The following UBP1 variants were observed in gnomAD, a reference collection of about 807,000 sequenced individuals.
UBP1 encodes the protein upstream binding protein 1, also known as upstream-binding protein 1.
A neutral mutation model predicts 76.1 loss-of-function variants in UBP1; 22 were observed. The ratio of observed to expected loss-of-function variants is 0.29; its 90% confidence interval spans 0.21 to 0.41. UBP1 has a LOEUF of 0.41. UBP1 is among the 10% of genes least tolerant of loss of function. UBP1 has a pLI of 1.00. For missense variants in UBP1, 436 were observed against 668.1 expected (o/e 0.65, Z 3.83); for synonymous variants, 224 against 237.1 (o/e 0.94, Z 0.51).
intron 9 of UBP1, among the ~76,000 whole-genome samples, chr3:33,401,565 A>G (rs2044229923): frequency 6.6e-6 from 1 of 152,172 alleles, no homozygotes; most frequent in Admixed American, 6.5e-5. Flanking sequence ...GAAATGAAAA[A>G]CAGCTCCACA....
At chr3:33,409,990 G>C (rs1160485543) in intron 5 of UBP1, among the ~76,000 whole-genome samples, 1 of 152,172 alleles carries the variant, frequency 6.6e-6, no homozygotes, top group Non-Finnish European at 1.5e-5. Context: ...TCATTGTTTA[G>C]AGCTTCTGTT....
In UBP1 at chr3:33,405,537, C is replaced by G. The variant is rs185392286; in HGVS notation, c.928-2633G>C. Among the ~76,000 whole-genome samples, 480 of 152,174 alleles carry G rather than the reference C, an allele frequency of 3.2e-3. 2 individuals carry two copies. Among genetic ancestry groups the G allele is most frequent in the Non-Finnish European group, 6.1e-3 (415 of 67,990 alleles). ...TGCAAGTATATCCTTTTTCAAAATTCTTTTGAGGCCAGGTATGGTGGCTCA... is the reference window on the plus strand; with the variant it reads ...TGCAAGTATATCCTTTTTCAAAATTGTTTTGAGGCCAGGTATGGTGGCTCA... On this transcript the variant is annotated intron_variant, in intron 8 of 15. Coordinates refer to ENST00000283629, the MANE Select transcript of UBP1 (RefSeq NM_014517.5).
intron 1 of UBP1, among the ~76,000 whole-genome samples, chr3:33,430,548 G>A (rs1278618703): frequency 6.6e-6 from 1 of 152,180 alleles, no homozygotes; most frequent in Non-Finnish European, 1.5e-5. Context: ...AACAACAGAT[G>A]ACATATATCC....
At chr3:33,414,074 T>TAAATACTAA (rs1269276378) in intron 3 of UBP1, 3 of 146,464 alleles carry the variant, frequency 2.0e-5, no homozygotes, top group Non-Finnish European at 4.5e-5. Flanking sequence ...AGCCCCATTC[T>TAAATACTAA]AGAAGGTTGG....
intron 15 of UBP1, 53 bp downstream of exon 15, chr3:33,392,510 C>A: frequency 6.7e-7 from 1 of 1,501,920 alleles, no homozygotes; most frequent in Non-Finnish European, 9.1e-7. Context: ...ATTAGAGGCA[C>A]ACACCATCTC....
At chr3:33,422,508 G>A (rs1438648790) in intron 2 of UBP1, among the ~76,000 whole-genome samples, 1 of 152,136 alleles carries the variant, frequency 6.6e-6, no homozygotes, top group Non-Finnish European at 1.5e-5. Context: ...TTTGAGCCCA[G>A]GAGTCGGAGA....
At chr3:33,390,623 C>G in intron 15 of UBP1, 3 of 540,906 alleles carry the variant, frequency 5.5e-6, no homozygotes, top group Non-Finnish European at 1.0e-5. Context: ...TCTGCCAGTT[C>G]TGGGGGTAGG....
At chr3:33,428,663 ATTT>A (rs1032865949) in intron 1 of UBP1, among the ~76,000 whole-genome samples, 1 of 152,130 alleles carries the variant, frequency 6.6e-6, no homozygotes, top group African/African-American at 2.4e-5. Flanking sequence ...TTTCCAATTA[ATTT>A]TTTACTTAAT....
At position 33,389,892 on chromosome 3, in the gene UBP1, G is replaced by A; in HGVS notation, c.*439C>T. ...CAGATTCACTGCTGGCCCCACAACA[G>A]CACTGTCCCCCATCTCCTCTCCAGG... On this transcript the variant is annotated 3_prime_UTR_variant, in exon 16 of 16. Transcript: ENST00000283629. 6.1e-6 allele frequency: 1 copy of A among 164,700 alleles called. No individual in the cohort carries two copies. Among genetic ancestry groups the A allele is most frequent in the Non-Finnish European group, 1.3e-5 (1 of 75,016 alleles). 10.2% of individuals were successfully genotyped at this position (164,700 alleles called of 1,614,324 possible). A position where few individuals can be genotyped will look rare whatever the true frequency, so the allele number is the denominator to read the frequency against.
At chr3:33,440,561 C>G (rs1295579756), upstream of UBP1, 1 of 152,468 alleles carries the variant, frequency 6.6e-6, no homozygotes, top group Non-Finnish European at 1.5e-5. Context: ...TGTTCCCAGC[C>G]GGGGTGGCCT....
At position 33,392,397 on chromosome 3, in the gene UBP1, A is replaced by G. The variant is rs1184806819; in HGVS notation, c.1585+166T>C. ...AGAAAGACTGACTCCTCTTCCTTAT[A>G]TGCTAATTTCTGTTACAACCACTAG... On this transcript the variant is annotated intron_variant, in intron 15 of 15. Transcript: ENST00000283629. 8.4e-6 allele frequency: 5 copies of G among 598,496 alleles called. 1 individual carries two copies. Among genetic ancestry groups the G allele is most frequent in the Non-Finnish European group, 1.4e-5 (5 of 364,582 alleles). The allele number at this position is 598,496 out of a possible 1,614,324, so 37.1% of individuals were successfully genotyped here.
At chr3:33,392,272 T>TATTCA (rs1366012576) in intron 15 of UBP1, 7 of 299,130 alleles carry the variant, frequency 2.3e-5, no homozygotes, top group Non-Finnish European at 4.3e-5. Context: ...GATTCTGTTT[T>TATTCA]ATTCAATAGA....
upstream of UBP1, chr3:33,440,563 G>A (rs2045282538): frequency 6.6e-6 from 1 of 152,434 alleles, no homozygotes; most frequent in Non-Finnish European, 1.5e-5. Flanking sequence ...TTCCCAGCCG[G>A]GGTGGCCTCG....
intron 1 of UBP1, among the ~76,000 whole-genome samples, chr3:33,433,866 T>C (rs2045156747): frequency 6.7e-6 from 1 of 150,092 alleles, no homozygotes; most frequent in Non-Finnish European, 1.5e-5. Flanking sequence ...TGTGCAGTGA[T>C]CAAGTCTGCA....
In UBP1 at chr3:33,440,217, G is replaced by A. The variant is rs1046854809; in HGVS notation, c.-369C>T. Reference sequence around the variant, plus strand: ...CGGGACCGCTGGGAGGCTGGACCTCGGGCCGCTCCGAGGACCACACGGGGG... The same window carrying A: ...CGGGACCGCTGGGAGGCTGGACCTCAGGCCGCTCCGAGGACCACACGGGGG... On this transcript the variant is annotated 5_prime_UTR_variant, in exon 1 of 16. Transcript: ENST00000283629. 2 of 156,056 alleles carry A rather than the reference G, an allele frequency of 1.3e-5. No homozygotes were observed. Among genetic ancestry groups the A allele is most frequent in the Non-Finnish European group, 2.8e-5 (2 of 70,554 alleles). The allele number at this position is 156,056 out of a possible 1,614,324, so 9.7% of individuals were successfully genotyped here. A position where few individuals can be genotyped will look rare whatever the true frequency, so the allele number is the denominator to read the frequency against.
intron 11 of UBP1, among the ~76,000 whole-genome samples, chr3:33,399,644 T>C (rs2044146226): frequency 6.6e-6 from 1 of 152,062 alleles, no homozygotes; most frequent in African/African-American, 2.4e-5. Flanking sequence ...GGACTAGGGA[T>C]GGTGGGGGAA....
chr3:33,424,402 T>C (rs1462307015), intron 2 of UBP1, among the ~76,000 whole-genome samples: 2 of 152,254 alleles, frequency 1.3e-5, no homozygotes, highest in African/African-American at 4.8e-5. Context: ...TCTATTGCTC[T>C]TTCCAAAACT....
chr3:33,396,155 T>C lies in UBP1; in HGVS notation c.1390+7A>G, dbSNP rs748254486. 1.2e-5 allele frequency: 18 copies of C among 1,560,356 alleles called. No individual in the cohort carries two copies. The highest frequency in any genetic ancestry group is 4.6e-5 in the East Asian group (2 of 43,874). On this transcript the variant is annotated splice_region_variant and intron_variant, in intron 13 of 15. Transcript: ENST00000283629. ...AGTGACAGAATTGAGATGCCCTCAA[T>C]ACCTACCATAGGGTGCCCCACTGCC...
intron 1 of UBP1, 25 bp downstream of exon 1, chr3:33,439,711 T>C (rs2045260303): frequency 6.2e-7 from 1 of 1,607,986 alleles, no homozygotes; most frequent in Non-Finnish European, 8.5e-7. Context: ...GACAGAGGCT[T>C]CTCCCCGCCC....
Sources: gnomAD v4.1 joint callset for allele counts (sites outside exome capture counted in the v4.1 genomes callset) on GRCh38, gnomAD v4.1.1 for gene constraint, MANE v1.5 for transcripts, NCBI Gene and HGNC (gene_info 2026-07-23, HGNC 2026-07-21) for gene names.